The following ATP7B variants were observed in gnomAD, a reference collection of about 807,000 sequenced individuals.
ATP7B encodes copper-transporting ATPase 2.
ATP7B carries 113 observed loss-of-function variants against 118.9 expected under a neutral mutation model. The ratio of observed to expected loss-of-function variants is 0.95; its 90% CI spans 0.82 to 1.11. The LOEUF (loss-of-function observed/expected upper bound fraction) is 1.11, where lower values mean the gene tolerates loss of function less well. Ranked by LOEUF, ATP7B falls within the 50% of genes most tolerant of loss-of-function variation. The pLI, the probability that ATP7B is intolerant of heterozygous loss-of-function variation, is 0.00. For missense variants in ATP7B, 1,867 were observed against 1,871.4 expected (o/e 1.00, Z 0.04); for synonymous variants, 777 against 727.4 (o/e 1.07, Z -1.10).
intron 1 of ATP7B, among the ~76,000 whole-genome samples, chr13:52,003,626 TA>T (rs35755652): frequency 1.4e-4 from 21 of 148,478 alleles, no homozygotes; most frequent in East Asian, 2.0e-4. Flanking sequence ...CTTCAACTGG[TA>T]AAAAAAAAAA....
intron 5 of ATP7B, among the ~76,000 whole-genome samples, chr13:51,964,555 T>C (rs1958963508): frequency 6.6e-6 from 1 of 152,184 alleles, no homozygotes. Flanking sequence ...CACTTAAAAA[T>C]TACAATTAGG....
In ATP7B at chr13:51,934,289, C is replaced by T. The variant is rs1956838948; in HGVS notation, c.*467G>A. The T allele has an allele frequency of 3.8e-6, 1 of 265,818 alleles. No homozygotes were observed. The highest frequency in any genetic ancestry group is 2.2e-5 in the African/African-American group (1 of 45,898). 16.5% of individuals were successfully genotyped at this position (265,818 alleles called of 1,614,324 possible). ...ATGCAGGAAGAAAGCAACAGGCACA[C>T]CTGAGGTAAACTGTGGTCTCAGAAA... is the stretch of plus-strand genomic sequence containing the variant. On this transcript the variant is annotated 3_prime_UTR_variant, in exon 21 of 21. Transcript: ENST00000242839.
At position 51,974,185 on chromosome 13, in the gene ATP7B, G is replaced by A. The variant is rs749528474; in HGVS notation, c.1035C>T (p.Ser345=). The A allele has an allele frequency of 6.0e-6, 9 of 1,492,868 alleles. No individual in the cohort carries two copies. The highest frequency in any genetic ancestry group is 4.5e-6 in the Non-Finnish European group (5 of 1,113,686). The allele number at this position is 1,492,868 out of a possible 1,614,324, so 92.5% of individuals were successfully genotyped here. A position where few individuals can be genotyped will look rare whatever the true frequency, so the allele number is the denominator to read the frequency against. ...GTDHRSSSSH[S]PGSPPRNQVQ... is the part of the protein sequence containing the mutation. ...CCTGGTTTCTCGGTGGGGAGCCAGG[G>A]GAATGAGAACTGGAAGACCTGTGAT... The change falls in exon 2 of 21, where the codon TCC becomes TCT. Residue 345 remains serine, a synonymous_variant. Coordinates refer to ENST00000242839, the MANE Select transcript of ATP7B (RefSeq NM_000053.4).
At chr13:51,993,466 G>A (rs1270302549) in intron 1 of ATP7B, among the ~76,000 whole-genome samples, 2 of 152,118 alleles carry the variant, frequency 1.3e-5, no homozygotes, top group Non-Finnish European at 2.9e-5. Flanking sequence ...AGGGGGCTGA[G>A]GCAGGAAAAT....
intron 1 of ATP7B, among the ~76,000 whole-genome samples, chr13:52,011,030 A>C (rs571828017): frequency 7.2e-5 from 11 of 152,342 alleles, no homozygotes; most frequent in South Asian, 2.1e-4. Flanking sequence ...CGCTCACTTT[A>C]TCTCTCCAGC....
At chr13:51,967,955 C>A (rs1161210696) in intron 4 of ATP7B, among the ~76,000 whole-genome samples, 6 of 152,246 alleles carry the variant, frequency 3.9e-5, no homozygotes, top group African/African-American at 1.4e-4. Flanking sequence ...TCCCCTCAGA[C>A]TGAGTGTTGT....
chr13:51,974,306 C>G lies in ATP7B; in HGVS notation c.914G>C (p.Cys305Ser). The part of the protein sequence containing the change: ...KTAQVKYDPS[C>S]TSPVALQRAI... Reference sequence around the variant, plus strand: ...CCTCTGCAGAGCCACTGGGCTGGTACAAGAAGGGTCATACTTTACTTGGGC... The same window carrying G: ...CCTCTGCAGAGCCACTGGGCTGGTAGAAGAAGGGTCATACTTTACTTGGGC... The change falls in exon 2 of 21, where the codon TGT becomes TCT. Residue 305 changes from cysteine to serine, a missense_variant. Cys to Ser is a moderately radical substitution (Grantham distance 112, BLOSUM62 -1). Coordinates refer to ENST00000242839, the MANE Select transcript of ATP7B (RefSeq NM_000053.4). 3 of 1,614,122 alleles carry G rather than the reference C, an allele frequency of 1.9e-6. No individual in the cohort carries two copies. The highest frequency in any genetic ancestry group is 2.5e-6 in the Non-Finnish European group (3 of 1,180,024).
Position 51,974,873 on chromosome 13 carries a change from A to G in ATP7B, c.347T>C (p.Ile116Thr), listed in dbSNP as rs199773340. The G allele has an allele frequency of 1.2e-4, 197 of 1,614,090 alleles. No individual in the cohort carries two copies. Among genetic ancestry groups the G allele is most frequent in the Admixed American group, 1.7e-4 (10 of 60,004 alleles). The change falls in exon 2 of 21, where the codon ATT becomes ACT. Residue 116 changes from isoleucine (I) to threonine (T), a missense_variant. By Grantham distance (89) the Ile-to-Thr change is moderately conservative. Coordinates refer to ENST00000242839, the MANE Select transcript of ATP7B (RefSeq NM_000053.4). Reference protein sequence around the residue: ...VVCLQQVCHQIGDMGFEASIA... With the variant: ...VVCLQQVCHQTGDMGFEASIA... ...GCTGGCCTCGAAGCCCATGTCCCCA[A>G]TTTGATGGCAAACCTGTTGCAGGCA...
chr13:52,001,633 T>C (rs111401864), intron 1 of ATP7B, among the ~76,000 whole-genome samples: 3 of 152,284 alleles, frequency 2.0e-5, no homozygotes, highest in South Asian at 2.1e-4. Context: ...AATGATCCCA[T>C]CTAAATTTCA....
chr13:51,954,146 G>C (rs930966982), intron 9 of ATP7B, among the ~76,000 whole-genome samples: 2 of 152,222 alleles, frequency 1.3e-5, no homozygotes, highest in African/African-American at 4.8e-5. Flanking sequence ...CAAGGAGCCA[G>C]GCAAAGGTTA....
chr13:51,958,640 G>A, intron 7 of ATP7B, 96 bp from the exon 8 acceptor site: 1 of 1,051,384 alleles, frequency 9.5e-7, no homozygotes, highest in East Asian at 2.5e-5. Flanking sequence ...AAAGCCTCTA[G>A]CTTTGTGCAC....
At chr13:51,941,303 C>A in intron 15 of ATP7B, 79 bp from the exon 16 acceptor site, 2 of 1,542,518 alleles carry the variant, frequency 1.3e-6, no homozygotes, top group Non-Finnish European at 8.9e-7. Context: ...CTTTTAACAG[C>A]AAAATATCCT....
intron 9 of ATP7B, among the ~76,000 whole-genome samples, chr13:51,953,589 G>C (rs1555289674): frequency 6.6e-6 from 1 of 152,124 alleles, no homozygotes; most frequent in Non-Finnish European, 1.5e-5. Context: ...TCCTACTGGT[G>C]AATCTCAATA....
At chr13:51,950,537 T>C in intron 9 of ATP7B, 138 bp from the exon 10 acceptor site, 2 of 1,337,872 alleles carry the variant, frequency 1.5e-6, no homozygotes, top group Non-Finnish European at 2.1e-6. Flanking sequence ...CATTTACAGA[T>C]ATTTATCGTG....
chr13:51,971,158 A>G (rs1951823347), intron 2 of ATP7B, among the ~76,000 whole-genome samples: 2 of 152,238 alleles, frequency 1.3e-5, no homozygotes, highest in African/African-American at 4.8e-5. Flanking sequence ...ATCAATCAAG[A>G]AGGGCTCTTC....
At chr13:51,939,277 A>G (rs1424746382) in intron 16 of ATP7B, 84 bp from the exon 17 acceptor site, 1 of 1,583,848 alleles carries the variant, frequency 6.3e-7, no homozygotes, top group Non-Finnish European at 8.6e-7. Context: ...TTCTCATCAT[A>G]TAATATTATG....
chr13:52,011,746 G>A (rs1441034456), upstream of ATP7B, among the ~76,000 whole-genome samples: 3 of 152,254 alleles, frequency 2.0e-5, no homozygotes, highest in Non-Finnish European at 2.9e-5. Flanking sequence ...GCAGGGCGGA[G>A]GCCTGTCCTC....
At chr13:51,943,985 G>GC (rs1338085689) in intron 14 of ATP7B, 124 bp downstream of exon 14, 1 of 1,208,778 alleles carries the variant, frequency 8.3e-7, no homozygotes, top group Non-Finnish European at 1.2e-6. Context: ...CTGCAGAAGG[G>GC]CCCTCTAAGT....
rs776619662 is a variant in ATP7B at position 51,974,773 on chromosome 13, C to T, written c.447G>A (p.Val149=). ...CACAGGACTGGCAGGTCATGCCCTC[C>T]ACCCGGAGCTTGACCACAGCCTCCT... is the stretch of plus-strand genomic sequence containing the variant. The part of the protein sequence containing the change: ...PAQEAVVKLR[V]EGMTCQSCVS... The change falls in exon 2 of 21, where the codon GTG becomes GTA. Residue 149 remains valine (V), a synonymous_variant. Transcript: ENST00000242839. 4.3e-6 allele frequency: 7 copies of T among 1,614,170 alleles called. No homozygotes were observed. In the Admixed American group the frequency reaches 5.0e-5, roughly 12 times the overall value.
Sources: gnomAD v4.1 joint callset for allele counts (sites outside exome capture counted in the v4.1 genomes callset) on GRCh38, gnomAD v4.1.1 for gene constraint, MANE v1.5 for transcripts, NCBI Gene and HGNC (gene_info 2026-07-23, HGNC 2026-07-21) for gene names.